Variants in EHMT1 observed in about 807,000 individuals in gnomAD.
EHMT1 encodes the protein histone-lysine N-methyltransferase EHMT1.
In EHMT1, 15 loss-of-function variants were observed where a neutral mutation model predicts 147.2. The ratio of observed to expected loss-of-function variants is 0.10; its 90% confidence interval spans 0.07 to 0.16. The LOEUF (loss-of-function observed/expected upper bound fraction) is 0.16, where lower values mean the gene tolerates loss of function less well. Ranked by LOEUF, EHMT1 falls within the 10% of genes least tolerant of loss-of-function variation. The pLI is 1.00. For missense variants in EHMT1, 1,587 were observed against 1,772.4 expected (o/e 0.90, Z 1.88); for synonymous variants, 795 against 709.6 (o/e 1.12, Z -1.91).
chr9:137,827,223 C>T (rs534654815), intron 25 of EHMT1, among the ~76,000 whole-genome samples: 87 of 152,322 alleles, frequency 5.7e-4, no homozygotes, highest in African/African-American at 2.0e-3. Context: ...CAACCAGATG[C>T]AGCCAGGCCT....
At chr9:137,735,757 G>A (rs1468709490) in intron 4 of EHMT1, among the ~76,000 whole-genome samples, 2 of 152,172 alleles carry the variant, frequency 1.3e-5, no homozygotes, top group Non-Finnish European at 2.9e-5. Flanking sequence ...CTCCAGGTGA[G>A]TGAATTCTCG....
rs759829493 is a variant in EHMT1 at position 137,732,704 on chromosome 9, T to A, written c.823+4175T>A. Among the ~76,000 whole-genome samples, 15 of 152,214 alleles carry A rather than the reference T, an allele frequency of 9.9e-5. No homozygotes were observed. The highest frequency in any genetic ancestry group is 2.1e-4 in the Non-Finnish European group (14 of 68,032). On this transcript the variant is annotated intron_variant, in intron 4 of 26. Transcript: ENST00000460843. This position sits in a 1 kb window ranked among gnomAD's most constrained non-coding sequence, Gnocchi z 4.6. Reference sequence around the variant, plus strand: ...CGGTTTTCAGGCTTCAGGCGGCCTTTGGCTTGAAGGTCAGGTTTCACCGGG... The same window carrying A: ...CGGTTTTCAGGCTTCAGGCGGCCTTAGGCTTGAAGGTCAGGTTTCACCGGG...
chr9:137,796,685 C>G (rs1215815285), intron 16 of EHMT1, among the ~76,000 whole-genome samples: 5 of 116,644 alleles, frequency 4.3e-5, no homozygotes, highest in Admixed American at 2.6e-4. Flanking sequence ...GCCTGGGCGA[C>G]AGAGCCAGAC....
chr9:137,660,593 A>G (rs991301600), intron 1 of EHMT1, among the ~76,000 whole-genome samples: 4 of 152,334 alleles, frequency 2.6e-5, no homozygotes, highest in East Asian at 1.9e-4. Context: ...TTCATGAACA[A>G]TCCTGTTCGG....
intron 1 of EHMT1, among the ~76,000 whole-genome samples, chr9:137,637,935 G>C (rs1436922251): frequency 6.6e-6 from 1 of 151,864 alleles, no homozygotes; most frequent in Non-Finnish European, 1.5e-5. Context: ...ATGGCATCCA[G>C]GTTATCTAGT....
chr9:137,642,841 C>G (rs778246782), intron 1 of EHMT1, among the ~76,000 whole-genome samples: 2 of 152,170 alleles, frequency 1.3e-5, no homozygotes, highest in Non-Finnish European at 2.9e-5. Flanking sequence ...TGCTTTTATA[C>G]TTTACCTGTG....
At chr9:137,791,008 TG>T in intron 16 of EHMT1, 38 bp downstream of exon 16, 1 of 1,614,176 alleles carries the variant, frequency 6.2e-7, no homozygotes, top group Non-Finnish European at 8.5e-7. Flanking sequence ...CTAGTGTGTG[TG>T]TAGACGTTTC....
At chr9:137,794,101 A>AT (rs1287321445) in intron 16 of EHMT1, among the ~76,000 whole-genome samples, 5 of 152,208 alleles carry the variant, frequency 3.3e-5, no homozygotes, top group Non-Finnish European at 7.3e-5. Context: ...CCTCATAGTA[A>AT]TTCAACTCCT....
rs139470614 is a variant in EHMT1, at chr9:137,623,972, G to A, written c.21+4923G>A. ...GTACCTGGGACGGCAGGTGTGTGCCGCCATACCCGGTTGATTTTTCTTTCT... is the reference window on the plus strand; with the variant it reads ...GTACCTGGGACGGCAGGTGTGTGCCACCATACCCGGTTGATTTTTCTTTCT... On this transcript the variant is annotated intron_variant, in intron 1 of 26. Transcript: ENST00000460843. Among the ~76,000 whole-genome samples the A allele has an allele frequency of 9.4e-3, 1,414 of 151,024 alleles. 22 individuals are homozygous for A. The highest frequency in any genetic ancestry group is 0.033 in the African/African-American group (1,359 of 41,084).
At chr9:137,798,991 C>A (rs1348636457) in intron 17 of EHMT1, 77 bp downstream of exon 17, 5 of 1,229,938 alleles carry the variant, frequency 4.1e-6, no homozygotes, top group Non-Finnish European at 6.0e-6. Flanking sequence ...GCTCCTGGTC[C>A]CACCCCCATT....
chr9:137,722,502 G>A (rs1307066459), intron 3 of EHMT1, among the ~76,000 whole-genome samples: 1 of 152,262 alleles, frequency 6.6e-6, no homozygotes, highest in Non-Finnish European at 1.5e-5. Context: ...GCTCCTGGGG[G>A]AGTCTGCAGG....
intron 1 of EHMT1, 77 bp downstream of exon 1, chr9:137,619,126 G>A (rs867834133): frequency 6.6e-5 from 29 of 439,004 alleles, no homozygotes; most frequent in Admixed American, 1.3e-4. Context: ...GAAGAACCGG[G>A]CGGGGCGGCG....
intron 1 of EHMT1, among the ~76,000 whole-genome samples, chr9:137,678,276 C>T (rs1941584449): frequency 6.6e-6 from 1 of 152,086 alleles, no homozygotes. Context: ...GCCCCCAGCA[C>T]AGTGTTTGAA....
At chr9:137,705,266 C>G (rs537162707) in intron 1 of EHMT1, among the ~76,000 whole-genome samples, 1 of 152,272 alleles carries the variant, frequency 6.6e-6, no homozygotes, top group African/African-American at 2.4e-5. Flanking sequence ...ATGCTGGGAT[C>G]ACAGGCATGA....
At chr9:137,686,797 C>T (rs1942484027) in intron 1 of EHMT1, among the ~76,000 whole-genome samples, 1 of 144,288 alleles carries the variant, frequency 6.9e-6, no homozygotes, top group Non-Finnish European at 1.5e-5. Context: ...GTGGCGTGAT[C>T]TCGGCTCGCT....
chr9:137,763,151 T>G (rs1949964165), intron 10 of EHMT1: 2 of 527,348 alleles, frequency 3.8e-6, no homozygotes, highest in Admixed American at 6.4e-5. Flanking sequence ...GGCAGGATAG[T>G]CACACCAAGG....
chr9:137,815,796 T>G, intron 22 of EHMT1, 151 bp from the exon 23 acceptor site: 1 of 717,238 alleles, frequency 1.4e-6, no homozygotes, highest in Admixed American at 2.0e-5. Flanking sequence ...CACATGGAGT[T>G]TTTCCCTAGG....
In EHMT1 at chr9:137,756,181, T is replaced by A. The variant is rs186786136; in HGVS notation, c.1370-1699T>A. ...TTCTTGGCATCTGCAGGCTCCGCGC[T>A]TGCCTGTCGGTTCATTTTGCACTGA... On this transcript the variant is annotated intron_variant, in intron 8 of 26. Coordinates refer to ENST00000460843, the MANE Select transcript of EHMT1 (RefSeq NM_024757.5). Among the ~76,000 whole-genome samples the A allele has an allele frequency of 6.0e-4, 92 of 152,362 alleles. 1 individual carries two copies. Among genetic ancestry groups the A allele is most frequent in the African/African-American group, 2.1e-3 (86 of 41,580 alleles).
intron 1 of EHMT1, among the ~76,000 whole-genome samples, chr9:137,699,208 A>G (rs1249755539): frequency 1.3e-5 from 2 of 152,192 alleles, no homozygotes; most frequent in Non-Finnish European, 2.9e-5. Context: ...TATAATAGAA[A>G]TTGTCTTTTA....
Sources: gnomAD v4.1 joint callset for allele counts (sites outside exome capture counted in the v4.1 genomes callset) on GRCh38, gnomAD v4.1.1 for gene constraint, Gnocchi (gnomAD v3.1) non-coding constraint, MANE v1.5 for transcripts, NCBI Gene and HGNC (gene_info 2026-07-23, HGNC 2026-07-21) for gene names.